DCP1B: variants seen among roughly 807,000 people sequenced by gnomAD.
DCP1B encodes the protein decapping mRNA 1B, also known as mRNA-decapping enzyme 1B.
Under a neutral mutation model 60.5 loss-of-function variants are expected in DCP1B, and 47 were observed. The observed-to-expected ratio is 0.78, with a 90% confidence interval of 0.61 to 0.99. The LOEUF is 0.99. Among genes scored for constraint, DCP1B ranks in the 50% least tolerant of loss-of-function variants. The probability of loss-of-function intolerance (pLI) is 0.00; values close to 1 mark genes in which losing one functional copy is unlikely to be tolerated. For missense variants in DCP1B, 725 were observed against 756.8 expected, an observed-to-expected ratio of 0.96 and a Z score of 0.49; for synonymous variants, 267 against 280.3, an observed-to-expected ratio of 0.95 and a Z score of 0.47.
At chr12:1,955,581 C>T (rs113460897) in intron 5 of DCP1B, 21 bp from the exon 6 acceptor site, 2 of 1,599,500 alleles carry the variant, frequency 1.3e-6, no homozygotes, top group African/African-American at 1.3e-5. Flanking sequence ...AAAGAAAATC[C>T]CCTCATTTTT....
chr12:1,997,087 T>C (rs1361806297), intron 2 of DCP1B, among the ~76,000 whole-genome samples: 1 of 148,176 alleles, frequency 6.7e-6, no homozygotes, highest in Non-Finnish European at 1.5e-5. Context: ...CACTCGTAAT[T>C]TGATATTAAT....
In DCP1B at chr12:1,952,794, C is replaced by T. The variant is rs1592779381; in HGVS notation, c.1146G>A (p.Leu382=). The T allele has an allele frequency of 1.2e-6, 2 of 1,614,190 alleles. No individual in the cohort carries two copies. Among genetic ancestry groups the T allele is most frequent in the East Asian group, 4.5e-5 (2 of 44,880 alleles). Residue 382 remains leucine, a synonymous_variant, in exon 7 of 9, where the codon CTG becomes CTA. Coordinates refer to ENST00000280665, the MANE Select transcript of DCP1B (RefSeq NM_152640.5). ...CAGAAGTGGGAGCTCTGCTGCGGTT[C>T]AGGGCAGCTGAGCTGGCAGGTGCTG... The part of the protein sequence containing the change: ...STPAPASSAA[L]NRSRAPTSVT...
At chr12:1,989,103 G>A (rs1039877779) in intron 3 of DCP1B, among the ~76,000 whole-genome samples, 8 of 152,210 alleles carry the variant, frequency 5.3e-5, no homozygotes, top group African/African-American at 1.9e-4. Flanking sequence ...ATCCCTGTCA[G>A]CTGGGCATGG....
chr12:2,000,906 A>G lies in DCP1B; in HGVS notation c.151-2931T>C, dbSNP rs1170649437. Among the ~76,000 whole-genome samples the G allele has an allele frequency of 2.6e-5, 4 of 152,110 alleles. No individual in the cohort carries two copies. In the South Asian group the frequency reaches 6.2e-4, roughly 24 times the overall value. Reference sequence around the variant, plus strand: ...GCAAAAATTAGCCAGGAGTGGTGGCAGGCGCCTGTAATCCTGGATACTCTG... The same window carrying G: ...GCAAAAATTAGCCAGGAGTGGTGGCGGGCGCCTGTAATCCTGGATACTCTG... On this transcript the variant is annotated intron_variant, in intron 1 of 8. Transcript: ENST00000280665.
At chr12:1,974,945 C>A (rs985742095) in intron 3 of DCP1B, among the ~76,000 whole-genome samples, 1 of 152,042 alleles carries the variant, frequency 6.6e-6, no homozygotes, top group African/African-American at 2.4e-5. Context: ...CAATGAAGAA[C>A]AGACTTCTTC....
intron 2 of DCP1B, among the ~76,000 whole-genome samples, chr12:1,995,642 C>G (rs1203503623): frequency 6.6e-6 from 1 of 152,236 alleles, no homozygotes; most frequent in Non-Finnish European, 1.5e-5. Flanking sequence ...GAGCTCCCTC[C>G]TGCCCAGCAT....
chr12:1,991,327 A>G (rs1385804884), intron 3 of DCP1B: 10 of 432,822 alleles, frequency 2.3e-5, no homozygotes, highest in Admixed American at 7.9e-5. Flanking sequence ...TCATTATAAA[A>G]TACGGAAACA....
intron 3 of DCP1B, among the ~76,000 whole-genome samples, chr12:1,975,025 C>A (rs1169715151): frequency 6.6e-6 from 1 of 152,110 alleles, no homozygotes; most frequent in Admixed American, 6.5e-5. Context: ...AATAGCCTAA[C>A]TATAAAACAC....
chr12:1,998,411 T>C (rs149645047), intron 1 of DCP1B, among the ~76,000 whole-genome samples: 1 of 152,342 alleles, frequency 6.6e-6, no homozygotes, highest in Non-Finnish European at 1.5e-5. Context: ...CATTTTCTCC[T>C]GCCATATCCA....
intron 2 of DCP1B, among the ~76,000 whole-genome samples, chr12:1,996,885 A>G (rs117420502): frequency 0.027 from 4,160 of 152,212 alleles, 94 homozygotes; most frequent in Middle Eastern, 0.054. Context: ...AAGAAAATAC[A>G]CTTGTGTGTG....
downstream of DCP1B, among the ~76,000 whole-genome samples, chr12:1,942,722 A>T (rs537818711): frequency 2.6e-5 from 4 of 152,212 alleles, no homozygotes; most frequent in Non-Finnish European, 5.9e-5. Flanking sequence ...AGGCAGAAAT[A>T]AGTAAGTTCT....
intron 3 of DCP1B, among the ~76,000 whole-genome samples, chr12:1,969,615 A>C (rs2031732676): frequency 1.3e-5 from 2 of 151,624 alleles, no homozygotes; most frequent in Non-Finnish European, 2.9e-5. Context: ...TTTTACATCA[A>C]AACAAAATTC....
At chr12:1,965,451 T>C (rs2031261143) in intron 5 of DCP1B, 107 bp downstream of exon 5, 4 of 1,259,192 alleles carry the variant, frequency 3.2e-6, no homozygotes, top group Middle Eastern at 2.0e-4. Flanking sequence ...AATATAATTT[T>C]GTTTGGTGGA....
chr12:1,949,545 A>G (rs2030580232), intron 7 of DCP1B, among the ~76,000 whole-genome samples: 1 of 152,208 alleles, frequency 6.6e-6, no homozygotes, highest in Non-Finnish European at 1.5e-5. Flanking sequence ...TGTGGGGACT[A>G]TTCTTTCCAC....
At chr12:1,946,050 G>A, downstream of DCP1B, 1 of 548,628 alleles carries the variant, frequency 1.8e-6, no homozygotes. Context: ...AAAAACACTT[G>A]AGTATAAAAA....
At chr12:1,943,867 TGAAAACTGGCACAA>T (rs1313639285), downstream of DCP1B, among the ~76,000 whole-genome samples, 1 of 152,224 alleles carries the variant, frequency 6.6e-6, no homozygotes, top group African/African-American at 2.4e-5. Flanking sequence ...GCATTCCCTT[TGAAAACTGGCACAA>T]GACAAGGATG....
chr12:1,952,877 G>C lies in DCP1B; in HGVS notation c.1063C>G (p.Leu355Val), dbSNP rs776445849. Residue 355 changes from leucine to valine, a missense_variant, in exon 7 of 9, where the codon CTG becomes GTG. By Grantham distance (32) the Leu-to-Val change is conservative (BLOSUM62 1). Transcript: ENST00000280665. ...GGGGTACTCTGAAGTTTCTCGAACA[G>C]GTTCTGAGTTCTGGAAGCATTTTGT... ...GVQNASRTQN[L>V]FEKLQSTPGA... 1.2e-6 allele frequency: 2 copies of C among 1,614,210 alleles called. No homozygotes were observed. The highest frequency in any genetic ancestry group is 2.2e-5 in the South Asian group (2 of 91,086).
At chr12:1,989,167 T>G (rs1384102649) in intron 3 of DCP1B, among the ~76,000 whole-genome samples, 3 of 152,060 alleles carry the variant, frequency 2.0e-5, no homozygotes, top group Non-Finnish European at 4.4e-5. Context: ...GAAGATCACT[T>G]GAGGCCAGGA....
intron 1 of DCP1B, among the ~76,000 whole-genome samples, chr12:2,000,973 G>T (rs1477536154): frequency 6.6e-6 from 1 of 151,784 alleles, no homozygotes; most frequent in African/African-American, 2.4e-5. Context: ...GGAGGCAGAG[G>T]TTGCAGTGAG....
Sources: allele counts gnomAD v4.1 joint callset (sites outside exome capture counted in the v4.1 genomes callset), GRCh38; gene constraint gnomAD v4.1.1; transcripts MANE v1.5; gene names NCBI Gene and HGNC (gene_info 2026-07-23, HGNC 2026-07-21).